WDR41: variants seen among roughly 807,000 people sequenced by gnomAD.
WDR41 encodes WD repeat-containing protein 41.
WDR41 carries 63 observed loss-of-function variants against 69.3 expected under a neutral mutation model. The ratio of observed to expected loss-of-function variants is 0.91; its 90% CI spans 0.74 to 1.12. The LOEUF (loss-of-function observed/expected upper bound fraction) is 1.12, where lower values mean the gene tolerates loss of function less well. WDR41 is among the 50% of genes most tolerant of loss of function. WDR41 has a pLI of 0.00. For missense variants in WDR41, 543 were observed against 534.5 expected (o/e 1.02, Z -0.16); for synonymous variants, 185 against 192.1 (o/e 0.96, Z 0.31).
chr5:77,503,562 A>G (rs10066044), intron 1 of WDR41, among the ~76,000 whole-genome samples: 38,541 of 152,118 alleles, frequency 0.25, 5,630 homozygotes, highest in Non-Finnish European at 0.33. Flanking sequence ...CCCAAAATTA[A>G]CAGAATGTAC....
At chr5:77,562,876 G>A (rs1231688458) in intron 1 of WDR41, among the ~76,000 whole-genome samples, 2 of 152,148 alleles carry the variant, frequency 1.3e-5, no homozygotes, top group Non-Finnish European at 2.9e-5. Context: ...CAGCTCAAAT[G>A]CTGTCCCCTC....
chr5:77,534,888 C>A (rs1742936125), intron 1 of WDR41, among the ~76,000 whole-genome samples: 1 of 152,088 alleles, frequency 6.6e-6, no homozygotes, highest in South Asian at 2.1e-4. Flanking sequence ...TGTCTTTATT[C>A]CCCAGACAAA....
chr5:77,573,689 G>A (rs1367415294), intron 1 of WDR41, among the ~76,000 whole-genome samples: 1 of 152,134 alleles, frequency 6.6e-6, no homozygotes, highest in African/African-American at 2.4e-5. Flanking sequence ...ATAGAAAGGG[G>A]GAGAGATGAG....
At chr5:77,445,536 G>A (rs1443014860) in intron 8 of WDR41, among the ~76,000 whole-genome samples, 1 of 152,120 alleles carries the variant, frequency 6.6e-6, no homozygotes, top group Non-Finnish European at 1.5e-5. Flanking sequence ...TAAAATACTG[G>A]CAAACCAAAT....
intron 2 of WDR41, among the ~76,000 whole-genome samples, chr5:77,483,197 C>A (rs1483288950): frequency 6.6e-6 from 1 of 152,056 alleles, no homozygotes; most frequent in African/African-American, 2.4e-5. Flanking sequence ...CAGTCAGTGG[C>A]CCCGATCACA....
At position 77,437,023 on chromosome 5, in the gene WDR41, A is replaced by G. The variant is rs79485417; in HGVS notation, c.1093+313T>C. 4.3e-3 allele frequency among the ~76,000 whole-genome samples: 653 copies of G among 152,346 alleles called. 2 individuals are homozygous for G. Among genetic ancestry groups the G allele is most frequent in the Non-Finnish European group, 7.1e-3 (486 of 68,032 alleles). ...ACATCTGACGGTACAAATTTTGTGT[A>G]TCAGTCAGAATTATAGACAATATAA... On this transcript the variant is annotated intron_variant, in intron 11 of 12. Coordinates refer to ENST00000296679, the MANE Select transcript of WDR41 (RefSeq NM_018268.4).
chr5:77,562,380 T>C (rs1447732723), intron 1 of WDR41, among the ~76,000 whole-genome samples: 2 of 152,180 alleles, frequency 1.3e-5, no homozygotes, highest in Non-Finnish European at 2.9e-5. Context: ...ATAAGAAGCA[T>C]TTGCAAAGTG....
At chr5:77,604,778 C>A (rs185000786) in intron 1 of WDR41, among the ~76,000 whole-genome samples, 9 of 152,104 alleles carry the variant, frequency 5.9e-5, no homozygotes, top group African/African-American at 1.9e-4. Context: ...TATATTGCAT[C>A]CATACATGAA....
intron 1 of WDR41, among the ~76,000 whole-genome samples, chr5:77,608,415 C>T (rs1744470239): frequency 6.6e-6 from 1 of 152,208 alleles, no homozygotes; most frequent in Non-Finnish European, 1.5e-5. Context: ...TGCCCAAAAA[C>T]ATTGGGCCTA....
At chr5:77,596,499 T>C (rs1047268769) in intron 1 of WDR41, among the ~76,000 whole-genome samples, 1 of 152,174 alleles carries the variant, frequency 6.6e-6, no homozygotes, top group Non-Finnish European at 1.5e-5. Flanking sequence ...TTTGAGACTT[T>C]TTTTTTTCAG....
intron 1 of WDR41, among the ~76,000 whole-genome samples, chr5:77,560,691 G>A (rs981145151): frequency 3.0e-4 from 46 of 152,218 alleles, no homozygotes; most frequent in Non-Finnish European, 6.3e-4. Flanking sequence ...CAGGAAATTA[G>A]TAATCAAGTT....
At chr5:77,520,162 A>T (rs1802351732) in intron 1 of WDR41, among the ~76,000 whole-genome samples, 1 of 151,904 alleles carries the variant, frequency 6.6e-6, no homozygotes, top group African/African-American at 2.4e-5. Flanking sequence ...CCCATTTAGA[A>T]TGGATTGATT....
At chr5:77,433,415 T>A in intron 12 of WDR41, 128 bp from the exon 13 acceptor site, 1 of 658,428 alleles carries the variant, frequency 1.5e-6, no homozygotes, top group Non-Finnish European at 2.3e-6. Context: ...TAGAACTTCA[T>A]TTCATTTTTC....
At chr5:77,617,937 T>C (rs1744706954) in intron 1 of WDR41, among the ~76,000 whole-genome samples, 1 of 152,154 alleles carries the variant, frequency 6.6e-6, no homozygotes. Flanking sequence ...AGAATTCCAG[T>C]CATGGGCTGC....
chr5:77,456,692 T>A (rs550061691), intron 5 of WDR41, among the ~76,000 whole-genome samples: 14 of 152,244 alleles, frequency 9.2e-5, no homozygotes, highest in East Asian at 7.7e-4. Flanking sequence ...TCACCATTTT[T>A]AAAAATTTTT....
chr5:77,512,391 TG>T (rs1802221088), intron 1 of WDR41, among the ~76,000 whole-genome samples: 1 of 142,304 alleles, frequency 7.0e-6, no homozygotes, highest in Admixed American at 7.1e-5. Flanking sequence ...TGTGTGTGTG[TG>T]TGTGTGTGTA....
chr5:77,464,113 T>C (rs1800184243), intron 3 of WDR41, among the ~76,000 whole-genome samples: 1 of 152,100 alleles, frequency 6.6e-6, no homozygotes, highest in Non-Finnish European at 1.5e-5. Flanking sequence ...TATTACGCAA[T>C]GTTGAAAGAA....
chr5:77,612,992 C>T lies in WDR41; in HGVS notation c.42+7487G>A, dbSNP rs879673064. ...TACAAAAATCACAAGCATTCTTATA[C>T]ACCAATAACAGACAAACAGAGAGCC... On this transcript the variant is annotated intron_variant, in intron 1 of 5. Transcript: ENST00000509971. Among the ~76,000 whole-genome samples, 552 of 150,376 alleles carry T rather than the reference C, an allele frequency of 3.7e-3. 5 individuals are homozygous for T. Among genetic ancestry groups the T allele is most frequent in the Non-Finnish European group, 4.3e-3 (287 of 67,068 alleles).
chr5:77,560,725 C>G (rs2066986), intron 1 of WDR41, among the ~76,000 whole-genome samples: 28,092 of 152,078 alleles, frequency 0.18, 2,990 homozygotes, highest in African/African-American at 0.27. Context: ...TAATTTATAT[C>G]AAAGGTATGC....
Sources: allele counts gnomAD v4.1 joint callset (sites outside exome capture counted in the v4.1 genomes callset), GRCh38; gene constraint gnomAD v4.1.1; transcripts MANE v1.5; gene names NCBI Gene and HGNC (gene_info 2026-07-23, HGNC 2026-07-21).